The following BBS9 variants were observed in gnomAD, a reference collection of about 807,000 sequenced individuals.
The protein encoded by BBS9 is protein PTHB1.
A neutral mutation model predicts 117.7 loss-of-function variants in BBS9; 89 were observed. The observed-to-expected ratio is 0.76, with a 90% confidence interval of 0.64 to 0.90. The LOEUF is 0.90. BBS9 is among the 40% of genes least tolerant of loss of function. The pLI, the probability that BBS9 is intolerant of heterozygous loss-of-function variation, is 0.00. For synonymous variants in BBS9, 379 were observed against 370.9 expected, an observed-to-expected ratio of 1.02 and a Z score of -0.25; for missense variants, 982 against 1,042.2, an observed-to-expected ratio of 0.94 and a Z score of 0.80.
At chr7:33,252,313 G>A (rs534666234) in intron 5 of BBS9, among the ~76,000 whole-genome samples, 1 of 152,066 alleles carries the variant, frequency 6.6e-6, no homozygotes. Flanking sequence ...ATTTGGACAG[G>A]GACACAGATC....
chr7:33,599,408 A>T (rs573030746), intron 21 of BBS9, among the ~76,000 whole-genome samples: 1 of 152,272 alleles, frequency 6.6e-6, no homozygotes, highest in Admixed American at 6.5e-5. Context: ...GGTGTTCCTG[A>T]CTTTGGCCTG....
intron 9 of BBS9, among the ~76,000 whole-genome samples, chr7:33,292,228 GTT>G (rs370951335): frequency 5.3e-5 from 8 of 149,858 alleles, no homozygotes; most frequent in African/African-American, 1.2e-4. Context: ...ACTTAAAAAT[GTT>G]TTTTTTTTTC....
At chr7:33,411,164 T>C (rs1396899095) in intron 19 of BBS9, among the ~76,000 whole-genome samples, 1 of 152,104 alleles carries the variant, frequency 6.6e-6, no homozygotes, top group Non-Finnish European at 1.5e-5. Context: ...TGTCTAATGT[T>C]AATTGGAATG....
chr7:33,587,821 TTA>T (rs1397598861), intron 21 of BBS9, among the ~76,000 whole-genome samples: 4 of 152,132 alleles, frequency 2.6e-5, no homozygotes, highest in Non-Finnish European at 5.9e-5. Flanking sequence ...TTTGAAATGT[TTA>T]TGTTACCAGA....
At chr7:33,521,483 C>T (rs947065216) in intron 20 of BBS9, among the ~76,000 whole-genome samples, 3 of 151,986 alleles carry the variant, frequency 2.0e-5, no homozygotes, top group African/African-American at 4.8e-5. Flanking sequence ...GACAAAGATA[C>T]GGAGAACTCC....
intron 19 of BBS9, among the ~76,000 whole-genome samples, chr7:33,478,502 G>C (rs974725702): frequency 6.6e-6 from 1 of 152,176 alleles, no homozygotes; most frequent in African/African-American, 2.4e-5. Context: ...GTAAGGTGCA[G>C]TAGAGTTAAA....
At chr7:33,192,048 A>T (rs1355621702) in intron 5 of BBS9, among the ~76,000 whole-genome samples, 1 of 152,130 alleles carries the variant, frequency 6.6e-6, no homozygotes, top group Non-Finnish European at 1.5e-5. Flanking sequence ...TTTCAACTTG[A>T]GCTAACCCAG....
At chr7:33,548,350 C>CT (rs200406351) in intron 21 of BBS9, among the ~76,000 whole-genome samples, 2,208 of 151,460 alleles carry the variant, frequency 0.015, 29 homozygotes, top group East Asian at 0.054. Flanking sequence ...TGTGAACTGC[C>CT]TTTTTTTTTA....
intron 4 of BBS9, 144 bp downstream of exon 4, chr7:33,155,846 A>G: frequency 3.6e-6 from 2 of 551,826 alleles, no homozygotes; most frequent in Non-Finnish European, 6.5e-6. Flanking sequence ...ACATTTTCCC[A>G]TTTTTCATTT....
intron 5 of BBS9, among the ~76,000 whole-genome samples, chr7:33,203,444 T>C (rs1786274663): frequency 6.6e-6 from 1 of 152,186 alleles, no homozygotes; most frequent in Admixed American, 6.5e-5. Flanking sequence ...CCCTGCTCTC[T>C]AGAACAGTGG....
At chr7:33,542,108 A>T (rs1223737493) in intron 21 of BBS9, among the ~76,000 whole-genome samples, 1 of 151,652 alleles carries the variant, frequency 6.6e-6, no homozygotes, top group African/African-American at 2.4e-5. Context: ...TTTTTAAGAC[A>T]GAGTCTCACT....
intron 9 of BBS9, among the ~76,000 whole-genome samples, chr7:33,312,667 A>G (rs1321031207): frequency 5.3e-5 from 8 of 152,146 alleles, no homozygotes; most frequent in African/African-American, 1.7e-4. Context: ...GGCTGGTAGG[A>G]ACACATGTAT....
intron 21 of BBS9, among the ~76,000 whole-genome samples, chr7:33,554,509 A>AGAT (rs1210369058): frequency 6.6e-6 from 1 of 152,184 alleles, no homozygotes; most frequent in African/African-American, 2.4e-5. Context: ...GAGGAAGCAA[A>AGAT]GATGACTCCT....
At chr7:33,411,009 G>C (rs1436766169) in intron 19 of BBS9, among the ~76,000 whole-genome samples, 2 of 91,590 alleles carry the variant, frequency 2.2e-5, no homozygotes, top group Admixed American at 1.3e-4. Context: ...TAAAATGTTG[G>C]TGTTTTTTTT....
intron 7 of BBS9, 56 bp from the exon 8 acceptor site, chr7:33,272,956 A>G: frequency 6.4e-7 from 1 of 1,556,820 alleles, no homozygotes; most frequent in South Asian, 1.1e-5. Context: ...TGATATGAAA[A>G]TAACTGAAAT....
At chr7:33,178,530 G>A (rs976180122) in intron 5 of BBS9, among the ~76,000 whole-genome samples, 4 of 152,126 alleles carry the variant, frequency 2.6e-5, no homozygotes, top group African/African-American at 9.7e-5. Context: ...TAGAGGAGCT[G>A]GTGGTGCTGG....
At chr7:33,438,211 A>C (rs1835607532) in intron 19 of BBS9, among the ~76,000 whole-genome samples, 1 of 152,210 alleles carries the variant, frequency 6.6e-6, no homozygotes, top group Non-Finnish European at 1.5e-5. Context: ...TAAATGCCTA[A>C]ATGGGAAACA....
downstream of BBS9, among the ~76,000 whole-genome samples, chr7:33,608,603 G>A (rs970233856): frequency 6.6e-6 from 1 of 152,014 alleles, no homozygotes; most frequent in African/African-American, 2.4e-5. Flanking sequence ...TCTCATTGTG[G>A]CTTCAATTTG....
At chr7:33,632,424 A>T (rs1226609324) in intron 21 of BBS9, among the ~76,000 whole-genome samples, 2 of 152,192 alleles carry the variant, frequency 1.3e-5, no homozygotes, top group East Asian at 3.9e-4. Context: ...ACAAGTGAGC[A>T]CCGCCTTGGC....
Sources: gnomAD v4.1 joint callset for allele counts (sites outside exome capture counted in the v4.1 genomes callset) on GRCh38, gnomAD v4.1.1 for gene constraint, MANE v1.5 for transcripts, NCBI Gene and HGNC (gene_info 2026-07-23, HGNC 2026-07-21) for gene names.